Variants in TEX36 observed in about 807,000 individuals in gnomAD.
TEX36 encodes the protein testis expressed 36.
Under a neutral mutation model 13.6 loss-of-function variants are expected in TEX36, and 12 were observed. That is an observed-to-expected ratio of 0.88 (90% confidence interval 0.56 to 1.43). TEX36 has a LOEUF of 1.43. Ranked by LOEUF, TEX36 falls within the 40% of genes most tolerant of loss-of-function variation. The probability of loss-of-function intolerance (pLI) is 0.00; values close to 1 mark genes in which losing one functional copy is unlikely to be tolerated. For missense variants in TEX36, 224 were observed against 228.3 expected (o/e 0.98, Z 0.12); for synonymous variants, 93 against 83.0 (o/e 1.12, Z -0.65).
intron 1 of TEX36, among the ~76,000 whole-genome samples, chr10:125,678,132 G>T (rs1847339572): frequency 6.6e-6 from 1 of 152,154 alleles, no homozygotes; most frequent in South Asian, 2.1e-4. Flanking sequence ...CTGCACATCT[G>T]GTGTAACAGT....
downstream of TEX36, among the ~76,000 whole-genome samples, chr10:125,653,601 C>T (rs574192199): frequency 3.2e-4 from 49 of 151,916 alleles, no homozygotes; most frequent in African/African-American, 9.7e-4. Flanking sequence ...CAAACCTGCA[C>T]GTTGTGCACA....
At chr10:125,678,332 G>T (rs1376066479) in intron 1 of TEX36, among the ~76,000 whole-genome samples, 2 of 152,118 alleles carry the variant, frequency 1.3e-5, no homozygotes, top group East Asian at 3.9e-4. Flanking sequence ...GTTAGGGTGT[G>T]GTTAACAGTA....
chr10:125,674,471 G>A (rs1847281567), intron 1 of TEX36, among the ~76,000 whole-genome samples: 1 of 152,194 alleles, frequency 6.6e-6, no homozygotes, highest in South Asian at 2.1e-4. Context: ...TGCTGGAGAG[G>A]TGTTGCCATC....
At chr10:125,658,520 G>T (rs1846982001) in intron 3 of TEX36, among the ~76,000 whole-genome samples, 1 of 151,960 alleles carries the variant, frequency 6.6e-6, no homozygotes, top group Admixed American at 6.6e-5. Flanking sequence ...ATAATTCACA[G>T]TCCTAAATTA....
intron 1 of TEX36, among the ~76,000 whole-genome samples, chr10:125,670,932 T>A (rs545034074): frequency 3.3e-5 from 5 of 152,318 alleles, no homozygotes; most frequent in Middle Eastern, 3.4e-3. Context: ...TTTTGTTCCA[T>A]TGGTCTATGT....
At chr10:125,601,953 G>A (rs1180318020) in intron 3 of TEX36, among the ~76,000 whole-genome samples, 4 of 152,150 alleles carry the variant, frequency 2.6e-5, no homozygotes, top group African/African-American at 9.7e-5. Flanking sequence ...CCCTGCTCTT[G>A]CTGCTCTGCC....
At chr10:125,583,400 GTCC>G (rs1046765118) in intron 3 of TEX36, among the ~76,000 whole-genome samples, 1 of 151,676 alleles carries the variant, frequency 6.6e-6, no homozygotes, top group South Asian at 2.1e-4. Flanking sequence ...CTCTTGCTGT[GTCC>G]TCCTCCAGAG....
chr10:125,586,633 TCCAAAAAAAAAA>T (rs1460377912), intron 3 of TEX36, among the ~76,000 whole-genome samples: 1 of 77,444 alleles, frequency 1.3e-5, no homozygotes, highest in African/African-American at 5.7e-5. Context: ...CTACTAAAAA[TCCAAAAAAAAAA>T]AAAAAAAAAA....
chr10:125,646,304 C>A (rs1013107400), intron 3 of TEX36, among the ~76,000 whole-genome samples: 13 of 152,030 alleles, frequency 8.6e-5, no homozygotes, highest in African/African-American at 3.1e-4. Context: ...CCAGCCTGGG[C>A]AACAGAGTGA....
At chr10:125,578,999 A>G (rs538842815) in intron 3 of TEX36, among the ~76,000 whole-genome samples, 1 of 152,294 alleles carries the variant, frequency 6.6e-6, no homozygotes, top group South Asian at 2.1e-4. Flanking sequence ...GCCTTGGCAC[A>G]TGCTCATGCC....
chr10:125,659,407 T>C (rs1409897439), intron 3 of TEX36, among the ~76,000 whole-genome samples: 2 of 152,224 alleles, frequency 1.3e-5, no homozygotes, highest in African/African-American at 4.8e-5. Context: ...AAACCATTAC[T>C]AGCAGTGAAT....
chr10:125,633,632 G>T (rs1846587651), intron 3 of TEX36, among the ~76,000 whole-genome samples: 1 of 151,998 alleles, frequency 6.6e-6, no homozygotes, highest in Non-Finnish European at 1.5e-5. Context: ...CATGTACCTC[G>T]TATCCTGCTT....
chr10:125,656,254 T>TTC (rs1212734552), intron 3 of TEX36, 58 bp from the exon 4 acceptor site: 2 of 1,249,324 alleles, frequency 1.6e-6, no homozygotes, highest in East Asian at 6.1e-5. Flanking sequence ...TAGTTCTTTT[T>TTC]TTTTTTTTTT....
intron 3 of TEX36, among the ~76,000 whole-genome samples, chr10:125,593,355 A>G (rs1222743486): frequency 6.6e-6 from 1 of 152,250 alleles, no homozygotes; most frequent in African/African-American, 2.4e-5. Context: ...ACTCCTGAGA[A>G]GTTGCCATAC....
downstream of TEX36, among the ~76,000 whole-genome samples, chr10:125,651,625 T>C (rs1023075883): frequency 2.4e-4 from 37 of 152,222 alleles, 1 homozygote; most frequent in Admixed American, 1.3e-4. Context: ...CTATTCAACA[T>C]AGTGTTGGAA....
chr10:125,630,751 T>A (rs192129428), intron 3 of TEX36, among the ~76,000 whole-genome samples: 5 of 152,064 alleles, frequency 3.3e-5, no homozygotes, highest in African/African-American at 1.2e-4. Flanking sequence ...TGCGAGCCAG[T>A]GTGGAGGGTT....
intron 3 of TEX36, among the ~76,000 whole-genome samples, chr10:125,623,023 G>A (rs1308540244): frequency 6.6e-6 from 1 of 152,192 alleles, no homozygotes; most frequent in East Asian, 1.9e-4. Flanking sequence ...AGGTGATGGT[G>A]AGTGGTGCCA....
downstream of TEX36, among the ~76,000 whole-genome samples, chr10:125,652,544 C>G (rs1027577336): frequency 6.6e-6 from 1 of 152,172 alleles, no homozygotes. Flanking sequence ...CAGAAGAAAA[C>G]CTAGGCAATA....
chr10:125,598,669 T>C (rs1329092808), intron 3 of TEX36, among the ~76,000 whole-genome samples: 1 of 152,216 alleles, frequency 6.6e-6, no homozygotes, highest in Non-Finnish European at 1.5e-5. Context: ...ATTTTACTGA[T>C]TTTTGCTTGG....
Sources: gnomAD v4.1 joint callset for allele counts (sites outside exome capture counted in the v4.1 genomes callset) on GRCh38, gnomAD v4.1.1 for gene constraint, MANE v1.5 for transcripts, NCBI Gene and HGNC (gene_info 2026-07-23, HGNC 2026-07-21) for gene names.